The following TMEM165 variants were observed in gnomAD, a reference collection of about 807,000 sequenced individuals.
TMEM165 encodes the protein transmembrane protein 165.
Under a neutral mutation model 30.0 loss-of-function variants are expected in TMEM165, and 19 were observed. The ratio of observed to expected loss-of-function variants is 0.63; its 90% CI spans 0.44 to 0.93. TMEM165 has a LOEUF of 0.93. Ranked by LOEUF, TMEM165 falls within the 40% of genes least tolerant of loss-of-function variation. The pLI, the probability that TMEM165 is intolerant of heterozygous loss-of-function variation, is 0.00. For synonymous variants in TMEM165, 168 were observed against 162.9 expected (o/e 1.03, Z -0.24); for missense variants, 340 against 417.0 (o/e 0.82, Z 1.61).
At chr4:55,409,505 A>G (rs1560390967) in intron 1 of TMEM165, among the ~76,000 whole-genome samples, 1 of 152,210 alleles carries the variant, frequency 6.6e-6, no homozygotes, top group African/African-American at 2.4e-5. Context: ...TATCTAGCCC[A>G]GGGCGTCTCA....
At chr4:55,430,240 A>C (rs962185794), downstream of TMEM165, 1 of 152,140 alleles carries the variant, frequency 6.6e-6, no homozygotes, top group African/African-American at 2.4e-5. Context: ...AATTTCACTT[A>C]GTTGTCTCTC....
At chr4:55,418,029 T>C (rs1291124141) in intron 4 of TMEM165, 44 bp downstream of exon 4, 5 of 1,529,794 alleles carry the variant, frequency 3.3e-6, no homozygotes, top group Non-Finnish European at 4.4e-6. Context: ...GAAACGTAAT[T>C]ATTATTACTT....
intron 2 of TMEM165, among the ~76,000 whole-genome samples, chr4:55,413,646 T>C: frequency 6.6e-6 from 1 of 152,242 alleles, no homozygotes; most frequent in East Asian, 1.9e-4. Context: ...TTTTAAACAT[T>C]TTATAGAAAT....
At chr4:55,406,397 C>G (rs1336354517) in intron 1 of TMEM165, among the ~76,000 whole-genome samples, 2 of 152,120 alleles carry the variant, frequency 1.3e-5, no homozygotes, top group African/African-American at 4.8e-5. Context: ...GTTTGCCAAC[C>G]CCTGTTCTAG....
intron 1 of TMEM165, chr4:55,399,380 G>A (rs1399519180): frequency 6.6e-6 from 1 of 152,126 alleles, no homozygotes; most frequent in Non-Finnish European, 1.5e-5. Flanking sequence ...TGCTTGACAT[G>A]TCCACTTCAG....
downstream of TMEM165, among the ~76,000 whole-genome samples, chr4:55,427,652 C>CTAAT (rs1722283308): frequency 6.6e-6 from 1 of 151,904 alleles, no homozygotes; most frequent in African/African-American, 2.4e-5. Context: ...ACCGTTTTTT[C>CTAAT]TAATAACAAC....
chr4:55,424,943 C>T, intron 5 of TMEM165: 1 of 386,392 alleles, frequency 2.6e-6, no homozygotes, highest in South Asian at 3.2e-5. Flanking sequence ...AAAAATGTGT[C>T]TTACAAGACT....
chr4:55,398,589 C>CT (rs1005978023), intron 1 of TMEM165, among the ~76,000 whole-genome samples: 12 of 152,188 alleles, frequency 7.9e-5, no homozygotes, highest in Admixed American at 7.9e-4. Flanking sequence ...TCTCTTTCTC[C>CT]TTTTTTGGGA....
At chr4:55,450,308 C>G in intron 3 of TMEM165, 1 of 1,574,900 alleles carries the variant, frequency 6.3e-7, no homozygotes, top group Non-Finnish European at 8.7e-7. Context: ...CTGTTAACAA[C>G]AACAAAAAAA....
At chr4:55,407,187 C>G (rs1321470799) in intron 1 of TMEM165, among the ~76,000 whole-genome samples, 2 of 151,700 alleles carry the variant, frequency 1.3e-5, no homozygotes, top group African/African-American at 4.8e-5. Context: ...TTGAGTTGGA[C>G]CTTGAGGAAT....
At chr4:55,417,648 A>C (rs1367700291) in intron 3 of TMEM165, 155 bp from the exon 4 acceptor site, 2 of 636,122 alleles carry the variant, frequency 3.1e-6, no homozygotes, top group African/African-American at 3.7e-5. Context: ...GCTGTGTGAG[A>C]CCAGTGGTTC....
chr4:55,434,825 T>C (rs1722754217), intron 3 of TMEM165: 1 of 157,154 alleles, frequency 6.4e-6, no homozygotes, highest in African/African-American at 2.4e-5. Flanking sequence ...ACAAAATGTT[T>C]TGCTTTCTCT....
At chr4:55,438,131 CA>C in intron 3 of TMEM165, 1 of 1,082,672 alleles carries the variant, frequency 9.2e-7, no homozygotes, top group Non-Finnish European at 1.3e-6. Flanking sequence ...AATCGCCAAC[CA>C]GAACAAGCTT....
At chr4:55,405,200 C>T (rs960114259) in intron 1 of TMEM165, among the ~76,000 whole-genome samples, 6 of 152,122 alleles carry the variant, frequency 3.9e-5, no homozygotes, top group Admixed American at 2.0e-4. Context: ...AGATAGAGTA[C>T]GTCCTCACTT....
At chr4:55,430,970 G>A (rs538883364), downstream of TMEM165, 13 of 152,200 alleles carry the variant, frequency 8.5e-5, no homozygotes, top group African/African-American at 3.1e-4. Context: ...AACCAACTAC[G>A]GTTCACTGGA....
intron 3 of TMEM165, among the ~76,000 whole-genome samples, chr4:55,448,601 C>CACGCGT (rs1278800720): frequency 8.5e-6 from 1 of 116,980 alleles, no homozygotes; most frequent in Non-Finnish European, 1.8e-5. Flanking sequence ...CGCACGCGCG[C>CACGCGT]GTGTGTGTGT....
At chr4:55,439,330 C>G (rs1294179002) in intron 3 of TMEM165, among the ~76,000 whole-genome samples, 1 of 152,152 alleles carries the variant, frequency 6.6e-6, no homozygotes, top group Non-Finnish European at 1.5e-5. Flanking sequence ...TTATACCCAT[C>G]AGGATGGCTA....
rs554688046 is a variant in TMEM165 at position 55,418,812 on chromosome 4, C to T, written c.792+827C>T. ...CTGTAATCCCAGCACTTTAGGAGGC[C>T]AAGGTGGGCGGATCACCTGAGGTCA... is the stretch of plus-strand genomic sequence containing the variant. On this transcript the variant is annotated intron_variant, in intron 4 of 5. Coordinates refer to ENST00000381334, the MANE Select transcript of TMEM165 (RefSeq NM_018475.5). Among the ~76,000 whole-genome samples the T allele has an allele frequency of 7.9e-5, 12 of 152,148 alleles. 1 individual carries two copies. Among genetic ancestry groups the T allele is most frequent in the African/African-American group, 2.9e-4 (12 of 41,508 alleles).
chr4:55,442,358 TAAG>T, intron 3 of TMEM165: 2 of 1,346,828 alleles, frequency 1.5e-6, no homozygotes, highest in Non-Finnish European at 2.1e-6. Flanking sequence ...AAAATTTGAT[TAAG>T]AAATCAAATT....
Sources: allele counts gnomAD v4.1 joint callset (sites outside exome capture counted in the v4.1 genomes callset), GRCh38; gene constraint gnomAD v4.1.1; transcripts MANE v1.5; gene names NCBI Gene and HGNC (gene_info 2026-07-23, HGNC 2026-07-21).